Variants in SDK1 observed in about 807,000 individuals in gnomAD.
SDK1 encodes protein sidekick-1.
SDK1 carries 157 observed loss-of-function variants against 245.5 expected under a neutral mutation model. The ratio of observed to expected loss-of-function variants is 0.64; its 90% CI spans 0.56 to 0.73. The LOEUF is 0.73. Among genes scored for constraint, SDK1 ranks in the 30% least tolerant of loss-of-function variants. The pLI is 0.00. For missense variants in SDK1, 3,583 were observed against 3,002.3 expected, an observed-to-expected ratio of 1.19 and a Z score of -4.52; for synonymous variants, 1,647 against 1,278.5, an observed-to-expected ratio of 1.29 and a Z score of -6.15.
chr7:3,514,571 C>G (rs1230810051), intron 1 of SDK1, among the ~76,000 whole-genome samples: 1 of 152,128 alleles, frequency 6.6e-6, no homozygotes, highest in African/African-American at 2.4e-5. Context: ...TGTCTCGTCA[C>G]TGTCCTAGGT....
At chr7:3,416,149 T>G (rs1779360189) in intron 1 of SDK1, among the ~76,000 whole-genome samples, 1 of 152,218 alleles carries the variant, frequency 6.6e-6, no homozygotes, top group Non-Finnish European at 1.5e-5. Flanking sequence ...ATTGTCAAGG[T>G]AATGATTATG....
At chr7:4,181,452 G>A (rs961764047) in intron 35 of SDK1, among the ~76,000 whole-genome samples, 38 of 152,326 alleles carry the variant, frequency 2.5e-4, no homozygotes, top group African/African-American at 9.1e-4. Context: ...CAGCCCAGGT[G>A]TGGGGAGGCA....
chr7:3,402,184 C>T (rs2128573724), intron 1 of SDK1, among the ~76,000 whole-genome samples: 1 of 152,232 alleles, frequency 6.6e-6, no homozygotes, highest in Middle Eastern at 3.4e-3. Context: ...GCTCAGTATC[C>T]TGCACTCAGT....
At chr7:4,210,317 G>C (rs909680551) in intron 38 of SDK1, among the ~76,000 whole-genome samples, 155 bp downstream of exon 38, 3 of 152,212 alleles carry the variant, frequency 2.0e-5, no homozygotes, top group African/African-American at 7.2e-5. Context: ...GACGGGGCTG[G>C]AGCTGAGTGC....
intron 4 of SDK1, among the ~76,000 whole-genome samples, chr7:3,677,058 C>A (rs934363471): frequency 6.6e-6 from 1 of 152,172 alleles, no homozygotes; most frequent in East Asian, 1.9e-4. Flanking sequence ...TTTCTTATGA[C>A]TTCTTCAAGA....
intron 17 of SDK1, among the ~76,000 whole-genome samples, chr7:4,029,682 C>T (rs1787643667): frequency 6.6e-6 from 1 of 152,112 alleles, no homozygotes; most frequent in South Asian, 2.1e-4. Flanking sequence ...ACTTGATCAG[C>T]CACCACTTGG....
At chr7:3,499,991 G>A (rs912331881) in intron 1 of SDK1, among the ~76,000 whole-genome samples, 1 of 152,200 alleles carries the variant, frequency 6.6e-6, no homozygotes, top group African/African-American at 2.4e-5. Context: ...CGGAGATAGA[G>A]TGGGAACTCC....
intron 14 of SDK1, among the ~76,000 whole-genome samples, chr7:3,993,300 CAGA>C (rs1784480194): frequency 6.6e-6 from 1 of 152,138 alleles, no homozygotes; most frequent in African/African-American, 2.4e-5. Flanking sequence ...ATGGCTGAAA[CAGA>C]AGAATGGTGG....
At chr7:4,151,850 G>C (rs1780402476) in intron 30 of SDK1, among the ~76,000 whole-genome samples, 1 of 152,204 alleles carries the variant, frequency 6.6e-6, no homozygotes, top group Non-Finnish European at 1.5e-5. Context: ...CTAAATGGAA[G>C]GGATATTTCC....
rs947417770 is a variant in SDK1, at chr7:4,246,058, T to C, written c.6381+253T>C. Among the ~76,000 whole-genome samples the C allele has an allele frequency of 1.9e-4, 29 of 152,234 alleles. 1 individual carries two copies. The highest frequency in any genetic ancestry group is 1.2e-4 in the Non-Finnish European group (8 of 68,008). On this transcript the variant is annotated intron_variant, in intron 44 of 44. Transcript: ENST00000404826. ...CAAGGCTGATTCATGGAGGAGCAGG[T>C]TGTGACTCCTAAGTCCTGGGATCTG...
intron 1 of SDK1, among the ~76,000 whole-genome samples, chr7:3,598,642 A>T (rs909157675): frequency 1.3e-5 from 2 of 152,234 alleles, no homozygotes; most frequent in African/African-American, 2.4e-5. Flanking sequence ...TGGCCCTGGC[A>T]AACCCTAATC....
At chr7:3,822,931 G>A (rs2115062172) in intron 5 of SDK1, among the ~76,000 whole-genome samples, 1 of 152,248 alleles carries the variant, frequency 6.6e-6, no homozygotes, top group Middle Eastern at 3.4e-3. Context: ...ACTGAGTGGG[G>A]TCTCAGATGC....
At chr7:3,389,701 G>T (rs1292817065) in intron 1 of SDK1, among the ~76,000 whole-genome samples, 1 of 152,130 alleles carries the variant, frequency 6.6e-6, no homozygotes, top group Non-Finnish European at 1.5e-5. Context: ...GGAGGTAGAG[G>T]GAGCAGTGAG....
At chr7:3,856,314 T>A (rs1199943887) in intron 5 of SDK1, among the ~76,000 whole-genome samples, 2 of 151,858 alleles carry the variant, frequency 1.3e-5, no homozygotes, top group Admixed American at 1.3e-4. Flanking sequence ...CAAGAAAATA[T>A]ATGAAAAGAG....
At chr7:3,399,965 G>A (rs1381051847) in intron 1 of SDK1, among the ~76,000 whole-genome samples, 1 of 152,050 alleles carries the variant, frequency 6.6e-6, no homozygotes, top group Non-Finnish European at 1.5e-5. Flanking sequence ...AATGCCCTAG[G>A]GTAGAGGGCT....
At chr7:3,412,310 T>C (rs1489726157) in intron 1 of SDK1, among the ~76,000 whole-genome samples, 2 of 152,208 alleles carry the variant, frequency 1.3e-5, no homozygotes, top group Non-Finnish European at 2.9e-5. Context: ...ATGTATACTA[T>C]TTCTCTTCCC....
rs573655629 is a variant in SDK1, at chr7:4,182,762, G to C, written c.5098+4176G>C. ...GGCTCCTGGCAGTAGGGAGGGAGAG[G>C]CAGAGCTGGTGAGGGTGCACAGGCT... On this transcript the variant is annotated intron_variant, in intron 35 of 44. Transcript: ENST00000404826. Among the ~76,000 whole-genome samples, 100 of 152,336 alleles carry C rather than the reference G, an allele frequency of 6.6e-4. 1 individual carries two copies. The highest frequency in any genetic ancestry group is 1.0e-3 in the Non-Finnish European group (68 of 68,026).
At chr7:3,714,322 A>C (rs950946805) in intron 4 of SDK1, among the ~76,000 whole-genome samples, 5 of 152,214 alleles carry the variant, frequency 3.3e-5, no homozygotes, top group African/African-American at 7.2e-5. Context: ...AATCATTACT[A>C]TTCTTAGAAT....
At chr7:3,993,284 C>T (rs1039171732) in intron 14 of SDK1, among the ~76,000 whole-genome samples, 2 of 152,154 alleles carry the variant, frequency 1.3e-5, no homozygotes, top group Admixed American at 6.5e-5. Context: ...TGGACAAAGG[C>T]GTCCCATGGC....
Sources: gnomAD v4.1 joint callset for allele counts (sites outside exome capture counted in the v4.1 genomes callset) on GRCh38, gnomAD v4.1.1 for gene constraint, MANE v1.5 for transcripts, NCBI Gene and HGNC (gene_info 2026-07-23, HGNC 2026-07-21) for gene names.